Variants in CDH16 observed in about 807,000 individuals in gnomAD.
The protein encoded by CDH16 is cadherin-16.
In CDH16, 79 loss-of-function variants were observed where a neutral mutation model predicts 87.6. The observed-to-expected ratio is 0.90, with a 90% CI of 0.75 to 1.09. The LOEUF (loss-of-function observed/expected upper bound fraction) is 1.09, where lower values mean the gene tolerates loss of function less well. Among genes scored for constraint, CDH16 ranks in the 50% least tolerant of loss-of-function variants. The pLI is 0.00. For missense variants in CDH16, 1,124 were observed against 1,071.7 expected, an observed-to-expected ratio of 1.05 and a Z score of -0.68; for synonymous variants, 457 against 439.5, an observed-to-expected ratio of 1.04 and a Z score of -0.50.
At position 66,911,246 on chromosome 16, in the gene CDH16, G is replaced by T; in HGVS notation, c.1860C>A (p.Ala620=). 1 of 1,613,492 alleles carries T rather than the reference G, an allele frequency of 6.2e-7. No homozygotes were observed. The highest frequency in any genetic ancestry group is 8.5e-7 in the Non-Finnish European group (1 of 1,179,834). Residue 620 remains alanine (A), a synonymous_variant, in exon 14 of 18, where the codon GCC becomes GCA. Transcript: ENST00000299752. The part of the protein sequence containing the change: ...IEKFSGEVHT[A]QSLQGAQPGD... ...CAGGCTGGGCGCCCTGCAGGGACTG[G>T]GCGGTGTGCACCTCCCCGGAGAATT...
At position 66,910,367 on chromosome 16, in the gene CDH16, C is replaced by G; in HGVS notation, c.2060G>C (p.Ser687Thr). ...CAGATCGGGGTCCTTGCTGGGTCCA[C>G]TCACGATCAAGCCATGGTCTTGGCG... The part of the protein sequence containing the change: ...TPRQDHGLIV[S>T]GPSKDPDLAS... Residue 687 changes from serine (S) to threonine (T), a missense_variant, in exon 15 of 18, where the codon AGT becomes ACT. Transcript: ENST00000299752. The G allele has an allele frequency of 3.1e-6, 5 of 1,613,824 alleles. No homozygotes were observed. The highest frequency in any genetic ancestry group is 1.7e-5 in the Admixed American group (1 of 59,972).
At position 66,908,402 on chromosome 16, in the gene CDH16, G is replaced by T. The variant is rs756850918; in HGVS notation, c.2480C>A (p.Ala827Glu). Residue 827 changes from alanine (A) to glutamate (E), a missense_variant, in exon 18 of 18, where the codon GCG becomes GAG. Ala to Glu is a moderately radical substitution (Grantham distance 107, BLOSUM62 -1). Coordinates refer to ENST00000299752, the MANE Select transcript of CDH16 (RefSeq NM_004062.4). ...AGCTGCCTGGGCCATTCAGACAGTC[G>T]CCTTCAGGGGCACGCTGTCTGCTGG... ...DQPADSVPLKATV is the reference protein window; with the variant it reads ...DQPADSVPLKETV 20 of 1,613,730 alleles carry T rather than the reference G, an allele frequency of 1.2e-5. No individual in the cohort carries two copies. Among genetic ancestry groups the T allele is most frequent in the Non-Finnish European group, 1.6e-5 (19 of 1,179,858 alleles).
At position 66,916,491 on chromosome 16, in the gene CDH16, A is replaced by C. The variant is rs114330534; in HGVS notation, c.130-62T>G. 1,445 of 1,498,084 alleles carry C rather than the reference A, an allele frequency of 9.6e-4. 18 individuals carry two copies. In the African/African-American group the frequency reaches 0.018, roughly 19 times the overall value. 92.8% of individuals were successfully genotyped at this position (1,498,084 alleles called of 1,614,324 possible). A position where few individuals can be genotyped will look rare whatever the true frequency, so the allele number is the denominator to read the frequency against. On this transcript the variant is annotated intron_variant, in intron 3 of 17. Transcript: ENST00000299752. The surrounding 1 kb of genome is among the most constrained non-coding windows in gnomAD (Gnocchi z 4.1). ...CAGGCCTGGGAGATGCCCCTCCTCC[A>C]CCTGATGGCCTCATTTTACATGTGG...
In CDH16 at chr16:66,910,442, G is replaced by T. The variant is rs1371688749; in HGVS notation, c.1985C>A (p.Ala662Asp). The part of the protein sequence containing the change: ...LVIHFLKAPP[A>D]PALTLAPVPS... ...CACAGGGGCAAGAGTCAGGGCTGGG[G>T]CAGGAGGGGCCTTTAGGAAGTGGAT... Residue 662 changes from alanine (A) to aspartate (D), a missense_variant, in exon 15 of 18, where the codon GCC (alanine) becomes GAC (aspartate). Transcript: ENST00000299752. 7.6e-6 allele frequency: 12 copies of T among 1,584,800 alleles called. 1 individual carries two copies. In the Middle Eastern group the frequency reaches 5.1e-4, roughly 67 times the overall value.
rs929065350 is a variant in CDH16 at position 66,916,600 on chromosome 16, T to A, written c.130-171A>T. Among the ~76,000 whole-genome samples the A allele has an allele frequency of 9.2e-5, 14 of 152,160 alleles. No individual in the cohort carries two copies. The highest frequency in any genetic ancestry group is 3.1e-4 in the African/African-American group (13 of 41,422). ...CAGGACTGAGACTCAGAGCCAGAAC[T>A]CTTTTCCCTGGACCTGATGCTCCCC... On this transcript the variant is annotated intron_variant, in intron 3 of 17. Transcript: ENST00000299752. The surrounding 1 kb of genome is among the most constrained non-coding windows in gnomAD (Gnocchi z 4.1).
Position 66,909,423 on chromosome 16 carries a change from G to T in CDH16, c.2276-40C>A. The stretch of plus-strand genomic sequence containing the variant: ...GAGGAAGGTAAGGGGAGGGAGGGGA[G>T]GGCTCCCCAGCTGCTCAGAGCCCCC... On this transcript the variant is annotated intron_variant, in intron 16 of 17. Transcript: ENST00000299752. The surrounding 1 kb of genome is among the most constrained non-coding windows in gnomAD (Gnocchi z 4.1). 1.6e-6 allele frequency: 2 copies of T among 1,250,152 alleles called. No homozygotes were observed. Among genetic ancestry groups the T allele is most frequent in the Non-Finnish European group, 2.3e-6 (2 of 863,646 alleles). The allele number at this position is 1,250,152 out of a possible 1,614,324, so 77.4% of individuals were successfully genotyped here.
chr16:66,912,048 G>A lies in CDH16; in HGVS notation c.1641C>T (p.Ala547=), dbSNP rs1205904185. The part of the protein sequence containing the change: ...KLVGPGPGPG[A]TATVTVLVER... ...CCACTAGCACAGTCACCGTGGCGGT[G>A]GCTCCAGGGCCTGGGCCTGGCCCCA... Residue 547 remains alanine, a synonymous_variant, in exon 13 of 18, where the codon GCC becomes GCT. Transcript: ENST00000299752. 2 of 1,614,138 alleles carry A rather than the reference G, an allele frequency of 1.2e-6. No homozygotes were observed. Among genetic ancestry groups the A allele is most frequent in the Non-Finnish European group, 1.7e-6 (2 of 1,180,022 alleles).
Position 66,908,279 on chromosome 16 carries a change from G to T in CDH16, c.*113C>A. ...ATGGTGCCTCCACCCCAGGGCAGAT[G>T]GAGGGGCTTCTACTCTGTCCTGTCC... On this transcript the variant is annotated 3_prime_UTR_variant, in exon 18 of 18. Coordinates refer to ENST00000299752, the MANE Select transcript of CDH16 (RefSeq NM_004062.4). The T allele has an allele frequency of 1.2e-6, 1 of 812,536 alleles. No homozygotes were observed. The highest frequency in any genetic ancestry group is 2.0e-6 in the Non-Finnish European group (1 of 491,444). 50.3% of individuals were successfully genotyped at this position (812,536 alleles called of 1,614,324 possible). A position where few individuals can be genotyped will look rare whatever the true frequency, so the allele number is the denominator to read the frequency against.
In CDH16 at chr16:66,908,239, T is replaced by C; in HGVS notation, c.*153A>G. The C allele has an allele frequency of 3.2e-6, 2 of 628,574 alleles. No individual in the cohort carries two copies. Among genetic ancestry groups the C allele is most frequent in the Non-Finnish European group, 5.6e-6 (2 of 354,222 alleles). The allele number at this position is 628,574 out of a possible 1,614,324, so 38.9% of individuals were successfully genotyped here. On this transcript the variant is annotated 3_prime_UTR_variant, in exon 18 of 18. Transcript: ENST00000299752. ...AGTTGGTGTCCAGGCTCTGCAGACA[T>C]GCCTGGTGATGGTGATGGTGCCTCC...
chr16:66,913,774 C>T (rs1218564966), intron 7 of CDH16, among the ~76,000 whole-genome samples, 161 bp from the exon 8 acceptor site: 2 of 152,214 alleles, frequency 1.3e-5, no homozygotes, highest in Non-Finnish European at 2.9e-5. Flanking sequence ...GTTCAGGGCA[C>T]ATGTTGTTAG....
rs1962356068 is a variant in CDH16, at chr16:66,910,356, T to C, written c.2071A>G (p.Lys691Glu). The change falls in exon 15 of 18, where the codon AAG (lysine) becomes GAG (glutamate). Residue 691 changes from lysine (K) to glutamate (E), a missense_variant. By Grantham distance (56) the Lys-to-Glu change is moderately conservative (BLOSUM62 1). Coordinates refer to ENST00000299752, the MANE Select transcript of CDH16 (RefSeq NM_004062.4). ...TGCCCACTGGCCAGATCGGGGTCCT[T>C]GCTGGGTCCACTCACGATCAAGCCA... ...DHGLIVSGPS[K>E]DPDLASGHGP... The C allele has an allele frequency of 6.2e-7, 1 of 1,613,788 alleles. No individual in the cohort carries two copies. Among genetic ancestry groups the C allele is most frequent in the Non-Finnish European group, 8.5e-7 (1 of 1,179,866 alleles).
At position 66,913,231 on chromosome 16, in the gene CDH16, G is replaced by A. The variant is rs2145459162; in HGVS notation, c.954C>T (p.Ala318=). The A allele has an allele frequency of 1.3e-6, 2 of 1,586,580 alleles. No individual in the cohort carries two copies. The highest frequency in any genetic ancestry group is 2.2e-5 in the East Asian group (1 of 44,674). Residue 318 remains alanine (A), a synonymous_variant, in exon 9 of 18, where the codon GCC becomes GCT. Transcript: ENST00000299752. The stretch of plus-strand genomic sequence containing the variant: ...TCACCAGCACGTGCAGCTCCAGAGG[G>A]GCCGCATAGTCCTCGCCATGGGAAT... ...AQNSHGEDYA[A]PLELHVLVMD...
Position 66,916,561 on chromosome 16 carries a change from C to G in CDH16, c.130-132G>C, listed in dbSNP as rs115201651. ...CATCTGGCTCCTGTCAGAGGTCACA[C>G]AGCCAGTAAGCATCAGGACTGAGAC... On this transcript the variant is annotated intron_variant, in intron 3 of 17. Transcript: ENST00000299752. The surrounding 1 kb of genome is among the most constrained non-coding windows in gnomAD (Gnocchi z 4.1). 1.2e-3 allele frequency: 1,203 copies of G among 1,014,750 alleles called. 15 individuals carry two copies. The African/African-American group carries it at 0.018, about 15-fold the overall frequency. The allele number at this position is 1,014,750 out of a possible 1,614,324, so 62.9% of individuals were successfully genotyped here.
chr16:66,916,149 C>G lies in CDH16; in HGVS notation c.340G>C (p.Val114Leu). The G allele has an allele frequency of 6.2e-7, 1 of 1,614,276 alleles. No individual in the cohort carries two copies. The highest frequency in any genetic ancestry group is 8.5e-7 in the Non-Finnish European group (1 of 1,180,056). ...HVLWGPQPVLVHVKDENDQVP... is the reference protein window; with the variant it reads ...HVLWGPQPVLLHVKDENDQVP... ...TGGTCATTCTCATCCTTCACGTGCACAAGCACAGGCTGTGGACCCCACAAG... is the reference window on the plus strand; with the variant it reads ...TGGTCATTCTCATCCTTCACGTGCAGAAGCACAGGCTGTGGACCCCACAAG... The change falls in exon 5 of 18, where the codon GTG becomes CTG. Residue 114 changes from valine (V) to leucine (L), a missense_variant. Transcript: ENST00000299752. The surrounding 1 kb of genome is among the most constrained non-coding windows in gnomAD (Gnocchi z 4.1).
Position 66,909,467 on chromosome 16 carries a change from A to G in CDH16, c.2276-84T>C. ...AGCCCCCAGCCCAGCCACCTGGCTG[A>G]TATGTGTGTGTTTCTGCACATGTGT... On this transcript the variant is annotated intron_variant, in intron 16 of 17. Transcript: ENST00000299752. This position sits in a 1 kb window ranked among gnomAD's most constrained non-coding sequence, Gnocchi z 4.1. The G allele has an allele frequency of 1.1e-6, 1 of 886,610 alleles. No homozygotes were observed. Among genetic ancestry groups the G allele is most frequent in the Non-Finnish European group, 1.8e-6 (1 of 554,726 alleles). The allele number at this position is 886,610 out of a possible 1,614,324, so 54.9% of individuals were successfully genotyped here. A position where few individuals can be genotyped will look rare whatever the true frequency, so the allele number is the denominator to read the frequency against.
chr16:66,912,924 C>G (rs762751031), intron 9 of CDH16, 33 bp from the exon 10 acceptor site: 1 of 1,584,600 alleles, frequency 6.3e-7, no homozygotes, highest in Non-Finnish European at 8.6e-7. Flanking sequence ...GATAGGACCA[C>G]AGCCCAGCCT....
rs186091807 is a variant in CDH16, at chr16:66,912,169, C to T, written c.1549-29G>A. The T allele has an allele frequency of 1.2e-3, 1,883 of 1,605,760 alleles. 21 individuals carry two copies. In the African/African-American group the frequency reaches 0.021, roughly 18 times the overall value. On this transcript the variant is annotated intron_variant, in intron 12 of 17. Coordinates refer to ENST00000299752, the MANE Select transcript of CDH16 (RefSeq NM_004062.4). ...GAACCAGGAGGCCCAGGTCACTGTG[C>T]GGGCCTGGGCAAGGCACATGTGCAT... is the stretch of plus-strand genomic sequence containing the variant.
intron 6 of CDH16, 74 bp from the exon 7 acceptor site, chr16:66,914,486 C>T (rs1962589308): frequency 8.8e-7 from 1 of 1,139,780 alleles, no homozygotes. Flanking sequence ...CAGCAAGATA[C>T]CAGACACAAA....
Position 66,914,285 on chromosome 16 carries a change from G to C in CDH16, c.711C>G (p.Thr237=). 1 of 1,614,234 alleles carries C rather than the reference G, an allele frequency of 6.2e-7. No individual in the cohort carries two copies. Among genetic ancestry groups the C allele is most frequent in the Non-Finnish European group, 8.5e-7 (1 of 1,180,044 alleles). The change falls in exon 7 of 18, where the codon ACC becomes ACG. Residue 237 remains threonine (T), a synonymous_variant. Coordinates refer to ENST00000299752, the MANE Select transcript of CDH16 (RefSeq NM_004062.4). The part of the protein sequence containing the change: ...ATVEVSIIES[T]WVSLEPIHLA... ...GGTGGATAGGCTCTAGGGACACCCA[G>C]GTGCTCTCTATGATGGAGACTTCCA...
Sources: gnomAD v4.1 joint callset for allele counts (sites outside exome capture counted in the v4.1 genomes callset) on GRCh38, gnomAD v4.1.1 for gene constraint, Gnocchi (gnomAD v3.1) non-coding constraint, MANE v1.5 for transcripts, NCBI Gene and HGNC (gene_info 2026-07-23, HGNC 2026-07-21) for gene names.